Variants in HEATR5A observed in about 807,000 individuals in gnomAD.
HEATR5A encodes the protein HEAT repeat-containing protein 5A.
In HEATR5A, 178 loss-of-function variants were observed where a neutral mutation model predicts 218.8. That is an observed-to-expected ratio of 0.81 (90% CI 0.72 to 0.92). The LOEUF is 0.92. Ranked by LOEUF, HEATR5A falls within the 40% of genes least tolerant of loss-of-function variation. The pLI is 0.00. For missense variants in HEATR5A, 2,420 were observed against 2,418.9 expected, an observed-to-expected ratio of 1.00 and a Z score of -0.01; for synonymous variants, 864 against 871.6, an observed-to-expected ratio of 0.99 and a Z score of 0.15.
chr14:31,366,090 A>T (rs925016974), intron 13 of HEATR5A, among the ~76,000 whole-genome samples: 3 of 152,148 alleles, frequency 2.0e-5, no homozygotes, highest in African/African-American at 7.2e-5. Context: ...AGCTTGGTAA[A>T]TACTACTTAG....
In HEATR5A at chr14:31,349,802, CTT is replaced by C. The variant is rs1230657192; in HGVS notation, c.2693_2694del (p.Gln898ArgfsTer2). On this transcript the variant is annotated frameshift_variant, in exon 18 of 36. Transcript: ENST00000543095. LOFTEE classifies it high-confidence loss of function. The stretch of plus-strand genomic sequence containing the variant: ...AAATTCACTTACTTGTCAAAGCTAA[CTT>C]GAGCTAATCCAGCAGTAAAAGCTCC... ...DDGAFTAGLA[Q>X]VSFDKLKSAR... The C allele has an allele frequency of 6.2e-7, 1 of 1,611,408 alleles. No individual in the cohort carries two copies. Among genetic ancestry groups the C allele is most frequent in the Admixed American group, 1.7e-5 (1 of 59,920 alleles).
chr14:31,340,932 T>C (rs1443592490), intron 21 of HEATR5A, among the ~76,000 whole-genome samples: 2 of 152,214 alleles, frequency 1.3e-5, no homozygotes, highest in Non-Finnish European at 2.9e-5. Context: ...TATTCAGAAT[T>C]GCTAGTGTAG....
intron 23 of HEATR5A, among the ~76,000 whole-genome samples, chr14:31,325,334 G>T (rs1293345027): frequency 6.6e-6 from 1 of 151,948 alleles, no homozygotes; most frequent in Non-Finnish European, 1.5e-5. Context: ...AGACATTAGG[G>T]TAATAACAGT....
Position 31,383,734 on chromosome 14 carries a change from A to G in HEATR5A, c.1383T>C (p.Pro461=), listed in dbSNP as rs2030090056. ...CTGCTGCTAGTCGAACAGAAATGCTAGGATGAAGAATAACTGACAAGATAC... is the reference window on the plus strand; with the variant it reads ...CTGCTGCTAGTCGAACAGAAATGCTGGGATGAAGAATAACTGACAAGATAC... ...LDSILSVILH[P]SISVRLAAAW... is the part of the protein sequence containing the mutation. The change falls in exon 10 of 36, where the codon CCT becomes CCC. Residue 461 remains proline (P), a synonymous_variant. Transcript: ENST00000543095. The G allele has an allele frequency of 1.2e-6, 2 of 1,613,616 alleles. No individual in the cohort carries two copies. Among genetic ancestry groups the G allele is most frequent in the African/African-American group, 2.7e-5 (2 of 75,040 alleles).
At position 31,318,208 on chromosome 14, in the gene HEATR5A, T is replaced by C; in HGVS notation, c.4038+16A>G. 6.2e-7 allele frequency: 1 copy of C among 1,610,232 alleles called. No homozygotes were observed. The highest frequency in any genetic ancestry group is 8.5e-7 in the Non-Finnish European group (1 of 1,176,536). ...TCCCAAGATTATCTCTTAAGCTTCATCTTTTAACCATTTACCTGACATGCT... is the reference window on the plus strand; with the variant it reads ...TCCCAAGATTATCTCTTAAGCTTCACCTTTTAACCATTTACCTGACATGCT... On this transcript the variant is annotated intron_variant, in intron 26 of 35. Transcript: ENST00000543095.
At chr14:31,359,430 TAAG>T (rs1901542021) in intron 14 of HEATR5A, among the ~76,000 whole-genome samples, 1 of 151,830 alleles carries the variant, frequency 6.6e-6, no homozygotes. Context: ...AAAAAATGTA[TAAG>T]AATTAGCCTG....
intron 10 of HEATR5A, among the ~76,000 whole-genome samples, chr14:31,381,600 G>GA (rs560281307): frequency 2.0e-4 from 29 of 142,312 alleles, no homozygotes; most frequent in Admixed American, 6.4e-4. Flanking sequence ...CTGGGCAACA[G>GA]AGTGAGATCC....
chr14:31,302,614 T>C (rs1899420853), intron 32 of HEATR5A, 95 bp from the exon 33 acceptor site: 1 of 814,268 alleles, frequency 1.2e-6, no homozygotes, highest in African/African-American at 1.7e-5. Flanking sequence ...TGTCAGATTT[T>C]CAGTTTTTAA....
intron 22 of HEATR5A, among the ~76,000 whole-genome samples, chr14:31,336,217 C>CATATATATATATATAT (rs3033610): frequency 2.6e-5 from 1 of 38,186 alleles, no homozygotes; most frequent in East Asian, 4.5e-4. Context: ...TACATACATA[C>CATATATATATATATAT]ATATATATAT....
In HEATR5A at chr14:31,383,506, G is replaced by C. The variant is rs1251504001; in HGVS notation, c.1596+15C>G. On this transcript the variant is annotated intron_variant, in intron 10 of 35. Coordinates refer to ENST00000543095, the MANE Select transcript of HEATR5A (RefSeq NM_015473.4). Reference sequence around the variant, plus strand: ...AAAGCACCTCATTATCATACATAGAGAATGAAATCATTACCTTGCCTTTTC... The same window carrying C: ...AAAGCACCTCATTATCATACATAGACAATGAAATCATTACCTTGCCTTTTC... 6.2e-7 allele frequency: 1 copy of C among 1,604,154 alleles called. No homozygotes were observed.
chr14:31,342,283 G>C (rs1900865337), intron 21 of HEATR5A, among the ~76,000 whole-genome samples: 1 of 152,150 alleles, frequency 6.6e-6, no homozygotes, highest in Non-Finnish European at 1.5e-5. Context: ...AGCTACTTCG[G>C]AGGCTGAAGG....
intron 13 of HEATR5A, among the ~76,000 whole-genome samples, chr14:31,370,629 T>G (rs1388604726): frequency 2.6e-5 from 4 of 152,210 alleles, no homozygotes; most frequent in Non-Finnish European, 5.9e-5. Flanking sequence ...TGAGTACAAA[T>G]GGTCACATTA....
intron 16 of HEATR5A, 101 bp from the exon 17 acceptor site, chr14:31,350,818 C>T (rs1359332416): frequency 1.5e-6 from 1 of 686,050 alleles, no homozygotes; most frequent in African/African-American, 1.8e-5. Context: ...CACTCTGTCA[C>T]CCAGGCTAGA....
At position 31,383,692 on chromosome 14, in the gene HEATR5A, G is replaced by A; in HGVS notation, c.1425C>T (p.Cys475=). ...GGTAGGAGGGTAATGCCACGGCAATGCAGTGTAAACACCAAGCTGCTGCTA... is the reference window on the plus strand; with the variant it reads ...GGTAGGAGGGTAATGCCACGGCAATACAGTGTAAACACCAAGCTGCTGCTA... ...VRLAAAWCLH[C]IAVALPSYLT... is the part of the protein sequence containing the mutation. Residue 475 remains cysteine (C), a synonymous_variant, in exon 10 of 36, where the codon TGC becomes TGT. Transcript: ENST00000543095. 1 of 1,613,892 alleles carries A rather than the reference G, an allele frequency of 6.2e-7. No homozygotes were observed. The highest frequency in any genetic ancestry group is 1.1e-5 in the South Asian group (1 of 91,090).
At chr14:31,297,578 C>T (rs8017902) in intron 33 of HEATR5A, 152,115 of 152,340 alleles carry the variant, frequency 1, 75,946 homozygotes, top group Middle Eastern at 1. Flanking sequence ...AATACCTGAG[C>T]TGACTATACT....
At chr14:31,361,178 A>G (rs953207188) in intron 14 of HEATR5A, among the ~76,000 whole-genome samples, 2 of 152,222 alleles carry the variant, frequency 1.3e-5, no homozygotes, top group African/African-American at 4.8e-5. Context: ...ACCGTGCTGA[A>G]TCACTCATTC....
chr14:31,395,961 C>T (rs1016636666), intron 4 of HEATR5A, among the ~76,000 whole-genome samples: 2 of 152,166 alleles, frequency 1.3e-5, no homozygotes, highest in African/African-American at 4.8e-5. Flanking sequence ...AACTTTGTGA[C>T]TTTAAATTGT....
chr14:31,309,948 C>T (rs1161165760), intron 28 of HEATR5A, among the ~76,000 whole-genome samples: 2 of 152,036 alleles, frequency 1.3e-5, no homozygotes, highest in Non-Finnish European at 2.9e-5. Flanking sequence ...GGCAATCTGC[C>T]CACTTCAGCC....
rs1899569497 is a variant in HEATR5A, at chr14:31,306,816, T to C, written c.4882A>G (p.Ile1628Val). ...RVILTRESPS[I>V]QLASLEVVRQ... ...ACCACTTCAAGTGAAGCCAACTGAA[T>C]GGAAGGTGATTCTCTGGTTAAAATT... The change falls in exon 31 of 36, where the codon ATT becomes GTT. Residue 1628 changes from isoleucine to valine, a missense_variant. Coordinates refer to ENST00000543095, the MANE Select transcript of HEATR5A (RefSeq NM_015473.4). 1.2e-6 allele frequency: 2 copies of C among 1,613,628 alleles called. No homozygotes were observed. The highest frequency in any genetic ancestry group is 4.5e-5 in the East Asian group (2 of 44,854).
Sources: gnomAD v4.1 joint callset for allele counts (sites outside exome capture counted in the v4.1 genomes callset) on GRCh38, gnomAD v4.1.1 for gene constraint, MANE v1.5 for transcripts, NCBI Gene and HGNC (gene_info 2026-07-23, HGNC 2026-07-21) for gene names.